The following IGFN1 variants were observed in gnomAD, a reference collection of about 807,000 sequenced individuals.
IGFN1 encodes the protein immunoglobulin-like and fibronectin type III domain-containing protein 1.
A neutral mutation model predicts 289.5 loss-of-function variants in IGFN1; 253 were observed. The observed-to-expected ratio is 0.87, with a 90% CI of 0.79 to 0.97. IGFN1 has a LOEUF of 0.97. Ranked by LOEUF, IGFN1 falls within the 50% of genes least tolerant of loss-of-function variation. The pLI is 0.00. For missense variants in IGFN1, 4,470 were observed against 4,686.1 expected (o/e 0.95, Z 1.35); for synonymous variants, 1,706 against 1,788.5 (o/e 0.95, Z 1.16).
intron 12 of IGFN1, 53 bp from the exon 13 acceptor site, chr1:201,214,124 C>T: frequency 1.3e-6 from 2 of 1,530,472 alleles, no homozygotes; most frequent in Non-Finnish European, 1.8e-6. Flanking sequence ...GGGCACAGCG[C>T]AGGCCATGGC....
Position 201,212,583 on chromosome 1 carries a change from G to A in IGFN1, c.7690G>A (p.Gly2564Ser), listed in dbSNP as rs868852320. The A allele has an allele frequency of 1.1e-5, 17 of 1,549,476 alleles. No homozygotes were observed. Among genetic ancestry groups the A allele is most frequent in the Non-Finnish European group, 1.5e-5 (17 of 1,146,258 alleles). The change falls in exon 12 of 24, where the codon GGT becomes AGT. Residue 2564 changes from glycine (G) to serine (S), a missense_variant. By Grantham distance (56) the Gly-to-Ser change is moderately conservative. Transcript: ENST00000335211. ...WKAGPGMTDRGRVAGQGGLAS... is the reference protein window; with the variant it reads ...WKAGPGMTDRSRVAGQGGLAS... ...AGCAGGCCCAGGAATGACAGACAGG[G>A]GTAGAGTTGCTGGCCAGGGGGGGTT...
chr1:201,204,733 ATTAATAATAC>A (rs1466372523), intron 10 of IGFN1, among the ~76,000 whole-genome samples: 3 of 152,200 alleles, frequency 2.0e-5, no homozygotes, highest in Non-Finnish European at 4.4e-5. Flanking sequence ...GTAAAAAGAA[ATTAATAATAC>A]TTATCTTGGA....
At chr1:201,193,326 C>T (rs1014011809) in intron 2 of IGFN1, 26 bp downstream of exon 2, 1 of 1,528,214 alleles carries the variant, frequency 6.5e-7, no homozygotes, top group African/African-American at 1.4e-5. Flanking sequence ...ATCTCCCCTC[C>T]CCAGCCCTCC....
At chr1:201,202,743 C>CCTTCCTTCCTTCCTT (rs1558137497) in intron 9 of IGFN1, among the ~76,000 whole-genome samples, 1 of 107,294 alleles carries the variant, frequency 9.3e-6, no homozygotes, top group Non-Finnish European at 1.9e-5. Context: ...CTCCCTCCCT[C>CCTTCCTTCCTTCCTT]CCTCCCTCCC....
At position 201,209,103 on chromosome 1, in the gene IGFN1, T is replaced by C. The variant is rs1004093559; in HGVS notation, c.4210T>C (p.Ser1404Pro). The C allele has an allele frequency of 1.2e-5, 19 of 1,531,288 alleles. No homozygotes were observed. Among genetic ancestry groups the C allele is most frequent in the Non-Finnish European group, 1.7e-5 (19 of 1,145,598 alleles). The allele number at this position is 1,531,288 out of a possible 1,614,324, so 94.9% of individuals were successfully genotyped here. ...TTTAAGGGGTCCTGGGGAGATGGGG[T>C]CACTGGATGAGTCAGGTCATAGGAA... ...AGLRGPGEMG[S>P]LDESGHRNGI... The change falls in exon 12 of 24, where the codon TCA (serine) becomes CCA (proline). Residue 1404 changes from serine to proline, a missense_variant. By Grantham distance (74) the Ser-to-Pro change is moderately conservative (BLOSUM62 -1). This residue lies in a region of IGFN1 where 2,011 missense variants were observed against 1,953.4 expected (regional missense o/e 1.03). Coordinates refer to ENST00000335211, the MANE Select transcript of IGFN1 (RefSeq NM_001164586.2).
rs140244529 is a variant in IGFN1, at chr1:201,224,913, G to A, written c.10486+39G>A. 15,129 of 1,514,962 alleles carry A rather than the reference G, an allele frequency of 1.0e-2. 99 individuals are homozygous for A. The highest frequency in any genetic ancestry group is 0.012 in the Non-Finnish European group (13,892 of 1,112,144). 93.8% of individuals were successfully genotyped at this position (1,514,962 alleles called of 1,614,324 possible). ...TGCTCTGGGCTCTGGACGCTGGCTC[G>A]GCCACTCACCAAGGCAAAGAGGTGT... On this transcript the variant is annotated intron_variant, in intron 21 of 23. Transcript: ENST00000335211.
intron 6 of IGFN1, 31 bp downstream of exon 6, chr1:201,199,409 G>A (rs1572166708): frequency 6.5e-7 from 1 of 1,546,390 alleles, no homozygotes; most frequent in South Asian, 1.2e-5. Context: ...CCTCCTTGGG[G>A]GCCTGTGGGG....
rs1195162903 is a variant in IGFN1, at chr1:201,211,369, G to C, written c.6476G>C (p.Gly2159Ala). 1.3e-6 allele frequency: 2 copies of C among 1,491,268 alleles called. No individual in the cohort carries two copies. Among genetic ancestry groups the C allele is most frequent in the Non-Finnish European group, 8.9e-7 (1 of 1,118,694 alleles). 92.4% of individuals were successfully genotyped at this position (1,491,268 alleles called of 1,614,324 possible). ...PKGMGSESKA[G>A]FRDGLGSSGE... ...GGAATGGGTTCAGAGAGTAAGGCAGGTTTTAGGGATGGTTTAGGGAGTTCT... is the reference window on the plus strand; with the variant it reads ...GGAATGGGTTCAGAGAGTAAGGCAGCTTTTAGGGATGGTTTAGGGAGTTCT... Residue 2159 changes from glycine (G) to alanine (A), a missense_variant, in exon 12 of 24, where the codon GGT (glycine) becomes GCT (alanine). This residue lies in a region of IGFN1 where 2,218 missense variants were observed against 2,114.1 expected (regional missense o/e 1.05). Transcript: ENST00000335211.
Position 201,216,431 on chromosome 1 carries a change from C to T in IGFN1, c.9296-23C>T, listed in dbSNP as rs367700728. 1,340 of 1,519,956 alleles carry T rather than the reference C, an allele frequency of 8.8e-4. 5 individuals are homozygous for T. The highest frequency in any genetic ancestry group is 2.2e-3 in the East Asian group (98 of 43,900). 94.2% of individuals were successfully genotyped at this position (1,519,956 alleles called of 1,614,324 possible). On this transcript the variant is annotated intron_variant, in intron 15 of 23. Transcript: ENST00000335211. ...CAGCTCCTCTGACCCCTCCTCTTCC[C>T]GCTCCTCTCTGTGGGTCCCCAGACA...
In IGFN1 at chr1:201,207,773, A is replaced by G; in HGVS notation, c.2880A>G (p.Gly960=). The G allele has an allele frequency of 6.5e-7, 1 of 1,536,598 alleles. No homozygotes were observed. The change falls in exon 12 of 24, where the codon GGA becomes GGG. Residue 960 remains glycine, a synonymous_variant. Coordinates refer to ENST00000335211, the MANE Select transcript of IGFN1 (RefSeq NM_001164586.2). ...RMESRYEGGL[G]YSREISSKSG... The stretch of plus-strand genomic sequence containing the variant: ...AATCTAGGTACGAGGGTGGCTTAGG[A>G]TATTCTAGGGAAATAAGCTCTAAAA...
chr1:201,228,488 G>A lies in IGFN1; in HGVS notation c.*89G>A. ...CGGGAAGCCAATCCCAAGGATGGAGGCTGTGCCCAGAGCCCCAGGAAAATG... is the reference window on the plus strand; with the variant it reads ...CGGGAAGCCAATCCCAAGGATGGAGACTGTGCCCAGAGCCCCAGGAAAATG... On this transcript the variant is annotated 3_prime_UTR_variant, in exon 24 of 24. Coordinates refer to ENST00000335211, the MANE Select transcript of IGFN1 (RefSeq NM_001164586.2). 1.4e-6 allele frequency: 2 copies of A among 1,384,090 alleles called. No individual in the cohort carries two copies. The highest frequency in any genetic ancestry group is 1.4e-5 in the African/African-American group (1 of 70,172). 85.7% of individuals were successfully genotyped at this position (1,384,090 alleles called of 1,614,324 possible).
rs1667984732 is a variant in IGFN1, at chr1:201,214,284, T to C, written c.8836T>C (p.Phe2946Leu). ...LTSDLGPGTW[F>L]KDGVKLTTQD... Reference sequence around the variant, plus strand: ...CAGTGACCTGGGACCTGGCACCTGGTTTAAGGATGGCGTCAAGGTACTGCC... The same window carrying C: ...CAGTGACCTGGGACCTGGCACCTGGCTTAAGGATGGCGTCAAGGTACTGCC... Residue 2946 changes from phenylalanine (F) to leucine (L), a missense_variant, in exon 13 of 24, where the codon TTT becomes CTT. This residue lies in a region of IGFN1 where 2,218 missense variants were observed against 2,114.1 expected (regional missense o/e 1.05). Coordinates refer to ENST00000335211, the MANE Select transcript of IGFN1 (RefSeq NM_001164586.2). The C allele has an allele frequency of 3.7e-6, 6 of 1,611,312 alleles. No individual in the cohort carries two copies. The African/African-American group carries it at 6.7e-5, about 18-fold the overall frequency.
In IGFN1 at chr1:201,213,449, C is replaced by T. The variant is rs766386870; in HGVS notation, c.8556C>T (p.Cys2852=). ...GWQPMGENWG[C]LEEMLNEDQS... is the part of the protein sequence containing the mutation. ...AGCCTATGGGAGAGAACTGGGGGTG[C>T]CTGGAGGAGATGCTGAATGAAGATC... Residue 2852 remains cysteine (C), a synonymous_variant, in exon 12 of 24, where the codon TGC becomes TGT. Coordinates refer to ENST00000335211, the MANE Select transcript of IGFN1 (RefSeq NM_001164586.2). 3 of 1,613,924 alleles carry T rather than the reference C, an allele frequency of 1.9e-6. No individual in the cohort carries two copies. The highest frequency in any genetic ancestry group is 1.1e-5 in the South Asian group (1 of 91,068).
rs1218497938 is a variant in IGFN1 at position 201,213,526 on chromosome 1, G to A, written c.8633G>A (p.Gly2878Asp). ...GGTAGCAGGAGAAGTGGCAAAGACGGCAGGTTGGACATCTATGGAGAGAGG... is the reference window on the plus strand; with the variant it reads ...GGTAGCAGGAGAAGTGGCAAAGACGACAGGTTGGACATCTATGGAGAGAGG... ...HLGSRRSGKD[G>D]RLDIYGERRD... The change falls in exon 12 of 24, where the codon GGC becomes GAC. Residue 2878 changes from glycine (G) to aspartate (D), a missense_variant. By Grantham distance (94) the Gly-to-Asp change is moderately conservative (BLOSUM62 -1). Around this residue, in one of 8 missense-constraint regions of IGFN1, gnomAD observed 2,218 missense variants for 2,114.1 expected, o/e 1.05. Coordinates refer to ENST00000335211, the MANE Select transcript of IGFN1 (RefSeq NM_001164586.2). The A allele has an allele frequency of 1.2e-6, 2 of 1,613,948 alleles. No individual in the cohort carries two copies. The highest frequency in any genetic ancestry group is 1.7e-6 in the Non-Finnish European group (2 of 1,179,964).
intron 17 of IGFN1, 143 bp from the exon 18 acceptor site, chr1:201,218,387 C>A: frequency 1.4e-6 from 1 of 723,308 alleles, no homozygotes; most frequent in Non-Finnish European, 2.2e-6. Context: ...TTGGAGGGAA[C>A]TGAGTCACAG....
At chr1:201,214,022 C>T (rs1240500434) in intron 12 of IGFN1, among the ~76,000 whole-genome samples, 155 bp from the exon 13 acceptor site, 1 of 152,220 alleles carries the variant, frequency 6.6e-6, no homozygotes, top group Admixed American at 6.5e-5. Flanking sequence ...TCTGGGAAGA[C>T]CAGGGCATTG....
At position 201,207,320 on chromosome 1, in the gene IGFN1, C is replaced by T. The variant is rs531788243; in HGVS notation, c.2427C>T (p.Asp809=). Residue 809 remains aspartate, a synonymous_variant, in exon 12 of 24, where the codon GAC becomes GAT. Transcript: ENST00000335211. ...TAWASGEVEY[D]PRSFQSSQGW... is the part of the protein sequence containing the mutation. ...GGGCCTCGGGTGAGGTAGAGTATGA[C>T]CCCAGAAGCTTCCAGTCTTCCCAGG... The T allele has an allele frequency of 3.6e-5, 55 of 1,536,812 alleles. No homozygotes were observed. In the African/African-American group the frequency reaches 6.3e-4, roughly 18 times the overall value.
Position 201,206,901 on chromosome 1 carries a change from G to A in IGFN1, c.2008G>A (p.Ala670Thr), listed in dbSNP as rs1021220810. 2.0e-6 allele frequency: 3 copies of A among 1,536,278 alleles called. No homozygotes were observed. The highest frequency in any genetic ancestry group is 2.6e-6 in the Non-Finnish European group (3 of 1,146,512). The change falls in exon 12 of 24, where the codon GCA becomes ACA. Residue 670 changes from alanine (A) to threonine (T), a missense_variant. Physicochemically the swap from Ala to Thr is moderately conservative, Grantham distance 58. This residue lies in a region of IGFN1 where 2,011 missense variants were observed against 1,953.4 expected (regional missense o/e 1.03). Coordinates refer to ENST00000335211, the MANE Select transcript of IGFN1 (RefSeq NM_001164586.2). ...GLGEAGDSNG[A>T]GGPGTLELTG... is the part of the protein sequence containing the mutation. The stretch of plus-strand genomic sequence containing the variant: ...GGGAGAAGCTGGAGACAGCAATGGG[G>A]CAGGAGGTCCTGGCACCCTGGAGCT...
chr1:201,211,091 TG>T lies in IGFN1; in HGVS notation c.6199del (p.Glu2067ArgfsTer8), dbSNP rs1447511294. On this transcript the variant is annotated frameshift_variant, in exon 12 of 24. Transcript: ENST00000335211. LOFTEE classifies it high-confidence loss of function. ...GTTCTGTAGAAATGGGGTCAGTGAA[TG>T]AGGCAGGTTATAGGAAGGATTTAGG... is the stretch of plus-strand genomic sequence containing the variant. ...GSSVEMGSVN[E>X]AGYRKDLGAP... 4.6e-6 allele frequency: 7 copies of T among 1,505,696 alleles called. No homozygotes were observed. Among genetic ancestry groups the T allele is most frequent in the Non-Finnish European group, 5.3e-6 (6 of 1,128,652 alleles). 93.3% of individuals were successfully genotyped at this position (1,505,696 alleles called of 1,614,324 possible). A position where few individuals can be genotyped will look rare whatever the true frequency, so the allele number is the denominator to read the frequency against.
Sources: gnomAD v4.1 joint callset for allele counts (sites outside exome capture counted in the v4.1 genomes callset) on GRCh38, gnomAD v4.1.1 for gene constraint, gnomAD v4.1.1 regional missense constraint, MANE v1.5 for transcripts, NCBI Gene and HGNC (gene_info 2026-07-23, HGNC 2026-07-21) for gene names.